The following FAH variants were observed in gnomAD, a reference collection of about 807,000 sequenced individuals.
FAH encodes fumarylacetoacetate hydrolase, also known as fumarylacetoacetase.
A neutral mutation model predicts 55.8 loss-of-function variants in FAH; 47 were observed. That is an observed-to-expected ratio of 0.84 (90% CI 0.67 to 1.07). FAH has a LOEUF of 1.07. Ranked by LOEUF, FAH falls within the 50% of genes least tolerant of loss-of-function variation. FAH has a pLI of 0.00. For missense variants in FAH, 495 were observed against 545.9 expected (o/e 0.91, Z 0.93); for synonymous variants, 199 against 207.7 (o/e 0.96, Z 0.36).
chr15:80,153,270 G>T (rs2041069761), intron 1 of FAH, 135 bp downstream of exon 1: 5 of 765,474 alleles, frequency 6.5e-6, no homozygotes, highest in Non-Finnish European at 9.0e-6. Context: ...CTTAAGATTC[G>T]TTCCGTGAGA....
At chr15:80,184,024 G>GAAGTAAACA (rs1454350906) in intron 13 of FAH, among the ~76,000 whole-genome samples, 1 of 152,202 alleles carries the variant, frequency 6.6e-6, no homozygotes, top group Admixed American at 6.5e-5. Flanking sequence ...GAGAACAGGT[G>GAAGTAAACA]AAGTAAACAA....
intron 3 of FAH, 118 bp from the exon 4 acceptor site, chr15:80,160,292 G>A: frequency 9.5e-7 from 1 of 1,050,850 alleles, no homozygotes; most frequent in Non-Finnish European, 1.5e-6. Context: ...CCCCAGGCCA[G>A]CCAGAAGGTG....
chr15:80,168,429 T>A, intron 7 of FAH, 113 bp downstream of exon 7: 1 of 1,028,198 alleles, frequency 9.7e-7, no homozygotes, highest in Non-Finnish European at 1.5e-6. Flanking sequence ...TTCAGCCACA[T>A]CGGCAGCCGC....
rs115156608 is a variant in FAH, at chr15:80,182,171, T to C, written c.1180+1012T>C. Among the ~76,000 whole-genome samples the C allele has an allele frequency of 1.4e-3, 210 of 152,284 alleles. 1 individual carries two copies. Among genetic ancestry groups the C allele is most frequent in the African/African-American group, 4.8e-3 (200 of 41,548 alleles). On this transcript the variant is annotated intron_variant, in intron 13 of 13. Transcript: ENST00000561421. ...GATCTCTGCCTCCACGGTCACATTG[T>C]CGCCTCGTCTTCTGTCTCATCTCCT...
At chr15:80,152,874 G>A (rs1320701565), upstream of FAH, 2 of 603,788 alleles carry the variant, frequency 3.3e-6, no homozygotes, top group East Asian at 2.8e-5. Context: ...GGGGTTCGGG[G>A]GCGGGGTGTT....
chr15:80,173,782 T>A (rs2041260467), intron 9 of FAH: 1 of 169,018 alleles, frequency 5.9e-6, no homozygotes, highest in Non-Finnish European at 1.3e-5. Flanking sequence ...CCCTCACCCC[T>A]TGGTTTCTGG....
chr15:80,171,710 C>A (rs2041242136), intron 7 of FAH, among the ~76,000 whole-genome samples: 1 of 152,204 alleles, frequency 6.6e-6, no homozygotes, highest in Non-Finnish European at 1.5e-5. Context: ...GATCCTTCCA[C>A]CTCAGCCTCC....
chr15:80,181,088 C>A lies in FAH; in HGVS notation c.1109C>A (p.Thr370Lys). The change falls in exon 13 of 14, where the codon ACG (threonine) becomes AAG (lysine). Residue 370 changes from threonine to lysine, a missense_variant. By Grantham distance (78) the Thr-to-Lys change is moderately conservative. Coordinates refer to ENST00000561421, the MANE Select transcript of FAH (RefSeq NM_000137.4). ...ATGTTGGAACTGTCGTGGAAGGGAACGAAGCCCATAGACCTGGGGAATGGT... is the reference window on the plus strand; with the variant it reads ...ATGTTGGAACTGTCGTGGAAGGGAAAGAAGCCCATAGACCTGGGGAATGGT... ...GSMLELSWKGTKPIDLGNGQT... is the reference protein window; with the variant it reads ...GSMLELSWKGKKPIDLGNGQT... 6.2e-7 allele frequency: 1 copy of A among 1,613,862 alleles called. No individual in the cohort carries two copies. The highest frequency in any genetic ancestry group is 8.5e-7 in the Non-Finnish European group (1 of 1,179,814).
intron 2 of FAH, among the ~76,000 whole-genome samples, chr15:80,159,506 G>A (rs2041129316): frequency 6.6e-6 from 1 of 152,222 alleles, no homozygotes; most frequent in Admixed American, 6.5e-5. Flanking sequence ...CAGTTGCTGT[G>A]CCAGGTAGCA....
intron 1 of FAH, among the ~76,000 whole-genome samples, chr15:80,154,489 G>A (rs980895968): frequency 5.3e-5 from 8 of 152,348 alleles, no homozygotes; most frequent in East Asian, 1.9e-4. Flanking sequence ...GCCCCATTCC[G>A]CTGTCCTCTG....
At chr15:80,158,905 G>A (rs2041122912) in intron 2 of FAH, among the ~76,000 whole-genome samples, 3 of 151,966 alleles carry the variant, frequency 2.0e-5, no homozygotes, top group Admixed American at 1.3e-4. Flanking sequence ...AACCTACAAG[G>A]GCTTTTTCTG....
At chr15:80,180,473 A>G (rs2041321767) in intron 12 of FAH, 2 of 535,214 alleles carry the variant, frequency 3.7e-6, no homozygotes, top group Non-Finnish European at 6.8e-6. Context: ...CAGCGCAGTG[A>G]CACGTGGGGA....
At chr15:80,167,937 T>G in intron 5 of FAH, 115 bp from the exon 6 acceptor site, 1 of 808,824 alleles carries the variant, frequency 1.2e-6, no homozygotes, top group Non-Finnish European at 2.1e-6. Flanking sequence ...CACCTGTTGA[T>G]TTTTGAGCCA....
intron 10 of FAH, 56 bp downstream of exon 10, chr15:80,175,147 T>C: frequency 5.3e-6 from 8 of 1,504,812 alleles, no homozygotes; most frequent in Non-Finnish European, 6.5e-6. Context: ...TGTGCCTGTG[T>C]GCCTTGTCCT....
At chr15:80,165,490 T>C (rs1363202943) in intron 5 of FAH, among the ~76,000 whole-genome samples, 1 of 147,606 alleles carries the variant, frequency 6.8e-6, no homozygotes, top group Non-Finnish European at 1.5e-5. Context: ...GTTGTGCCGT[T>C]GCACTCCAGC....
intron 10 of FAH, 89 bp downstream of exon 10, chr15:80,175,180 G>A (rs2041272580): frequency 7.5e-6 from 9 of 1,204,098 alleles, no homozygotes; most frequent in Middle Eastern, 1.9e-4. Flanking sequence ...GCTTTGGCAA[G>A]GGTGAGGGCA....
chr15:80,171,982 C>T (rs1217909835), intron 7 of FAH, among the ~76,000 whole-genome samples, 167 bp from the exon 8 acceptor site: 5 of 152,172 alleles, frequency 3.3e-5, no homozygotes, highest in African/African-American at 1.2e-4. Context: ...TTTCCTGAGG[C>T]GTCCATCTGA....
intron 9 of FAH, chr15:80,173,503 G>A (rs1305562080): frequency 2.6e-6 from 1 of 384,310 alleles, no homozygotes; most frequent in Non-Finnish European, 5.0e-6. Flanking sequence ...TGTGCAAATG[G>A]CGCCACCTGG....
intron 11 of FAH, among the ~76,000 whole-genome samples, chr15:80,179,539 C>T (rs374741737): frequency 1.3e-5 from 2 of 152,120 alleles, no homozygotes; most frequent in South Asian, 2.1e-4. Context: ...CTGAGCGTCT[C>T]GGTGGGCACG....
Sources: gnomAD v4.1 joint callset for allele counts (sites outside exome capture counted in the v4.1 genomes callset) on GRCh38, gnomAD v4.1.1 for gene constraint, MANE v1.5 for transcripts, NCBI Gene and HGNC (gene_info 2026-07-23, HGNC 2026-07-21) for gene names.